The following TRPM3 variants were observed in gnomAD, a reference collection of about 807,000 sequenced individuals.
The protein encoded by TRPM3 is transient receptor potential cation channel subfamily M member 3.
Under a neutral mutation model 181.2 loss-of-function variants are expected in TRPM3, and 77 were observed. The observed-to-expected ratio is 0.42, with a 90% CI of 0.35 to 0.51. The LOEUF (loss-of-function observed/expected upper bound fraction) is 0.51. TRPM3 is among the 20% of genes least tolerant of loss of function. TRPM3 has a pLI of 0.01. For missense variants in TRPM3, 1,759 were observed against 2,196.7 expected (o/e 0.80, Z 3.98); for synonymous variants, 745 against 796.4 (o/e 0.94, Z 1.09).
intron 1 of TRPM3, among the ~76,000 whole-genome samples, chr9:71,178,966 A>T (rs4745063): frequency 0.4 from 61,470 of 151,968 alleles, 12,719 homozygotes; most frequent in East Asian, 0.52. Context: ...TTAACTTTTA[A>T]CTCAAAATAT....
At chr9:71,190,015 C>T (rs1730218864) in intron 1 of TRPM3, among the ~76,000 whole-genome samples, 1 of 151,816 alleles carries the variant, frequency 6.6e-6, no homozygotes, top group African/African-American at 2.4e-5. Context: ...TTCTTGTTAT[C>T]CTGATTTTTG....
At chr9:70,686,698 C>CTGGAAACTCCTTCCTTCT (rs1554669014) in intron 8 of TRPM3, among the ~76,000 whole-genome samples, 1,198 of 79,960 alleles carry the variant, frequency 0.015, 6 homozygotes, top group Non-Finnish European at 0.017. Context: ...TCCTTCCTTC[C>CTGGAAACTCCTTCCTTCT]TTCCTTCCTT....
chr9:70,648,565 G>T (rs1465776343), intron 9 of TRPM3, among the ~76,000 whole-genome samples: 2 of 151,890 alleles, frequency 1.3e-5, no homozygotes, highest in African/African-American at 4.8e-5. Flanking sequence ...AAAGCTGGAG[G>T]CATCACACTA....
chr9:71,121,164 G>A lies in TRPM3; in HGVS notation c.177+14C>T. ...AGCACAATTAGCGCCATTCAAAGCT[G>A]CAAGTTACAGTACCTTCAGAAGTCT... On this transcript the variant is annotated intron_variant, in intron 1 of 25. Coordinates refer to ENST00000677713, the MANE Select transcript of TRPM3 (RefSeq NM_001366145.2). 1 of 1,606,750 alleles carries A rather than the reference G, an allele frequency of 6.2e-7. No individual in the cohort carries two copies. Among genetic ancestry groups the A allele is most frequent in the South Asian group, 1.1e-5 (1 of 90,086 alleles).
intron 25 of TRPM3, among the ~76,000 whole-genome samples, chr9:70,540,411 T>C (rs1259419179): frequency 1.3e-5 from 2 of 152,216 alleles, no homozygotes. Flanking sequence ...CTGTGAAGTA[T>C]CTCCTTGCCA....
chr9:70,983,706 G>C lies in TRPM3; in HGVS notation c.178-119195C>G, dbSNP rs116939559. Among the ~76,000 whole-genome samples, 104 of 152,324 alleles carry C rather than the reference G, an allele frequency of 6.8e-4. 1 individual carries two copies. The East Asian group carries it at 0.019, about 27-fold the overall frequency. ...GGGGAAGCTGTAGACAGGATAGCTA[G>C]AAGTGGACACCCTGTGTTATTGGTT... is the stretch of plus-strand genomic sequence containing the variant. On this transcript the variant is annotated intron_variant, in intron 1 of 25. Transcript: ENST00000677713.
intron 1 of TRPM3, among the ~76,000 whole-genome samples, chr9:71,170,781 C>G (rs958090677): frequency 6.6e-6 from 1 of 152,086 alleles, no homozygotes; most frequent in Non-Finnish European, 1.5e-5. Flanking sequence ...ATTAACTGCA[C>G]AAATTGTACA....
At chr9:70,572,652 A>G (rs1348335684) in intron 22 of TRPM3, among the ~76,000 whole-genome samples, 1 of 152,096 alleles carries the variant, frequency 6.6e-6, no homozygotes, top group East Asian at 1.9e-4. Flanking sequence ...TCATGATTAG[A>G]CTAGGGTTAT....
chr9:71,156,618 A>G (rs1415798770), intron 1 of TRPM3, among the ~76,000 whole-genome samples: 1 of 152,150 alleles, frequency 6.6e-6, no homozygotes, highest in African/African-American at 2.4e-5. Flanking sequence ...ATACAATCCC[A>G]TATAATTATT....
At chr9:71,123,396 G>T (rs938507440), upstream of TRPM3, among the ~76,000 whole-genome samples, 1 of 152,128 alleles carries the variant, frequency 6.6e-6, no homozygotes, top group Non-Finnish European at 1.5e-5. Flanking sequence ...TTGTGTCTTG[G>T]AGTCCTTATC....
chr9:70,816,115 A>C (rs1048173648), intron 6 of TRPM3, among the ~76,000 whole-genome samples: 12 of 152,236 alleles, frequency 7.9e-5, no homozygotes, highest in Non-Finnish European at 1.0e-4. Context: ...AATTATATGA[A>C]AAAAACTAAC....
At chr9:71,180,820 A>T (rs1280681816) in intron 1 of TRPM3, among the ~76,000 whole-genome samples, 1 of 152,162 alleles carries the variant, frequency 6.6e-6, no homozygotes, top group Admixed American at 6.6e-5. Flanking sequence ...AGGCAGCTAG[A>T]GTACATAAAA....
chr9:71,265,920 T>C (rs1270162299), intron 1 of TRPM3, among the ~76,000 whole-genome samples: 2 of 152,236 alleles, frequency 1.3e-5, no homozygotes, highest in Non-Finnish European at 1.5e-5. Context: ...TCATTATCAA[T>C]GACATCACAT....
At chr9:70,649,131 TAAAC>T (rs538622447) in intron 9 of TRPM3, among the ~76,000 whole-genome samples, 4 of 150,950 alleles carry the variant, frequency 2.6e-5, no homozygotes, top group Admixed American at 6.6e-5. Context: ...ATAAGGAACT[TAAAC>T]AAATCAACAA....
intron 8 of TRPM3, among the ~76,000 whole-genome samples, chr9:70,753,503 C>A (rs192848709): frequency 1.3e-5 from 2 of 152,148 alleles, no homozygotes; most frequent in Admixed American, 1.3e-4. Flanking sequence ...GGGAGTGGTA[C>A]GAGAAGCATC....
intron 1 of TRPM3, among the ~76,000 whole-genome samples, chr9:70,964,153 T>C (rs949299760): frequency 1.3e-5 from 2 of 152,162 alleles, no homozygotes; most frequent in African/African-American, 4.8e-5. Flanking sequence ...ATTATTTTTA[T>C]TCTTATTATT....
chr9:70,775,328 G>T (rs1021048048), intron 7 of TRPM3: 1 of 152,176 alleles, frequency 6.6e-6, no homozygotes, highest in African/African-American at 2.4e-5. Context: ...GAAATTAAAT[G>T]GGTAAAGAAA....
intron 1 of TRPM3, among the ~76,000 whole-genome samples, chr9:71,207,326 AT>A (rs2079184288): frequency 2.0e-5 from 3 of 152,098 alleles, no homozygotes; most frequent in Admixed American, 2.0e-4. Flanking sequence ...ATTATGTTCA[AT>A]TTTTTCATAA....
intron 24 of TRPM3, among the ~76,000 whole-genome samples, chr9:70,551,184 G>A (rs2046371272): frequency 6.6e-6 from 1 of 152,180 alleles, no homozygotes; most frequent in Non-Finnish European, 1.5e-5. Context: ...GTACATTTCA[G>A]TGTTTTGTCT....
Sources: gnomAD v4.1 joint callset for allele counts (sites outside exome capture counted in the v4.1 genomes callset) on GRCh38, gnomAD v4.1.1 for gene constraint, MANE v1.5 for transcripts, NCBI Gene and HGNC (gene_info 2026-07-23, HGNC 2026-07-21) for gene names.